Variants in ADAM18 observed in about 807,000 individuals in gnomAD.
The protein encoded by ADAM18 is disintegrin and metalloproteinase domain-containing protein 18.
ADAM18 carries 117 observed loss-of-function variants against 94.4 expected under a neutral mutation model. That is an observed-to-expected ratio of 1.24 (90% confidence interval 1.07 to 1.45). The LOEUF (loss-of-function observed/expected upper bound fraction) is 1.45. ADAM18 is among the 40% of genes most tolerant of loss of function. ADAM18 has a pLI of 0.00. For missense variants in ADAM18, 936 were observed against 880.0 expected (o/e 1.06, Z -0.81); for synonymous variants, 327 against 291.6 (o/e 1.12, Z -1.24).
intron 17 of ADAM18, among the ~76,000 whole-genome samples, chr8:39,706,430 T>C (rs1160713153): frequency 1.3e-5 from 2 of 152,090 alleles, no homozygotes; most frequent in East Asian, 3.9e-4. Flanking sequence ...AATGTCCAAA[T>C]AGTGACAACG....
At chr8:39,661,949 A>G (rs1270369311) in intron 12 of ADAM18, among the ~76,000 whole-genome samples, 4 of 149,824 alleles carry the variant, frequency 2.7e-5, no homozygotes, top group South Asian at 2.1e-4. Flanking sequence ...TATTTTATAT[A>G]TATATAAAGG....
chr8:39,637,396 T>C (rs930605852), intron 8 of ADAM18, 61 bp downstream of exon 8: 1 of 1,520,224 alleles, frequency 6.6e-7, no homozygotes, highest in Non-Finnish European at 9.0e-7. Context: ...TAATTTGGGT[T>C]CTATCTTGGC....
At chr8:39,708,818 T>C (rs977204793) in intron 18 of ADAM18, among the ~76,000 whole-genome samples, 1 of 152,196 alleles carries the variant, frequency 6.6e-6, no homozygotes, top group East Asian at 1.9e-4. Flanking sequence ...AGAACACAGG[T>C]GCAGGGTGCA....
intron 16 of ADAM18, among the ~76,000 whole-genome samples, chr8:39,684,535 A>G (rs1478184434): frequency 6.6e-6 from 1 of 152,048 alleles, no homozygotes. Flanking sequence ...CACCTCTCAC[A>G]GGTTGGAATT....
chr8:39,663,425 CA>C (rs374386277), intron 12 of ADAM18, among the ~76,000 whole-genome samples: 23 of 102,812 alleles, frequency 2.2e-4, no homozygotes, highest in Admixed American at 5.5e-4. Context: ...CTAGTCTTTA[CA>C]AAAAAAAAAA....
chr8:39,648,162 AT>A (rs1820436467), intron 11 of ADAM18, among the ~76,000 whole-genome samples, 181 bp from the exon 12 acceptor site: 1 of 152,156 alleles, frequency 6.6e-6, no homozygotes, highest in African/African-American at 2.4e-5. Flanking sequence ...TTTTAATGCA[AT>A]TTTTTAAGAG....
intron 2 of ADAM18, among the ~76,000 whole-genome samples, chr8:39,597,153 T>C (rs942626999): frequency 1.3e-5 from 2 of 152,202 alleles, no homozygotes; most frequent in East Asian, 3.8e-4. Flanking sequence ...TGTTGAGTTT[T>C]AGGAGTTGTT....
rs111415212 is a variant in ADAM18, at chr8:39,607,438, T to A, written c.188+1076T>A. On this transcript the variant is annotated intron_variant, in intron 3 of 19. Coordinates refer to ENST00000265707, the MANE Select transcript of ADAM18 (RefSeq NM_014237.3). ...GTAATTGAACAAGGCTAGAGGAAAT[T>A]ATTCTCACTTAATTCATGACTACCC... Among the ~76,000 whole-genome samples the A allele has an allele frequency of 9.2e-5, 14 of 152,340 alleles. 1 individual carries two copies. Among genetic ancestry groups the A allele is most frequent in the African/African-American group, 3.4e-4 (14 of 41,580 alleles).
At chr8:39,602,498 C>T (rs777093035) in intron 2 of ADAM18, among the ~76,000 whole-genome samples, 1 of 152,162 alleles carries the variant, frequency 6.6e-6, no homozygotes, top group Non-Finnish European at 1.5e-5. Context: ...CAGATGAGAA[C>T]TTTAGGGTCA....
intron 6 of ADAM18, among the ~76,000 whole-genome samples, chr8:39,628,905 T>G (rs1404202856): frequency 6.6e-6 from 1 of 152,084 alleles, no homozygotes; most frequent in Non-Finnish European, 1.5e-5. Flanking sequence ...GCTAACATAA[T>G]AACCTATAAA....
intron 19 of ADAM18, among the ~76,000 whole-genome samples, chr8:39,724,834 G>A (rs1822856130): frequency 6.6e-6 from 1 of 151,814 alleles, no homozygotes; most frequent in South Asian, 2.1e-4. Context: ...GAAGTATATT[G>A]TTTAATTCCC....
intron 10 of ADAM18, among the ~76,000 whole-genome samples, chr8:39,638,796 C>T (rs182917321): frequency 3.3e-5 from 5 of 151,898 alleles, no homozygotes; most frequent in East Asian, 3.9e-4. Flanking sequence ...ATAATGGACA[C>T]GAACATTTGC....
At chr8:39,597,399 A>G (rs924086835) in intron 2 of ADAM18, among the ~76,000 whole-genome samples, 20 of 152,244 alleles carry the variant, frequency 1.3e-4, no homozygotes, top group Non-Finnish European at 2.5e-4. Flanking sequence ...GTAGTTTTAT[A>G]GTTGTGTATT....
intron 4 of ADAM18, 132 bp downstream of exon 4, chr8:39,609,252 G>A (rs1819190101): frequency 2.7e-6 from 2 of 749,134 alleles, no homozygotes; most frequent in Admixed American, 6.1e-5. Context: ...CATAGAAATG[G>A]CATGTGATAG....
intron 6 of ADAM18, among the ~76,000 whole-genome samples, chr8:39,620,826 A>T (rs1445327157): frequency 6.6e-6 from 1 of 151,832 alleles, no homozygotes; most frequent in African/African-American, 2.4e-5. Context: ...GCACACAGAG[A>T]TGTAGAGTGT....
intron 6 of ADAM18, chr8:39,611,614 C>T (rs1819273848): frequency 1.0e-6 from 1 of 983,432 alleles, no homozygotes; most frequent in Non-Finnish European, 1.2e-6. Context: ...AAGCTGGAAA[C>T]AGCATTGCTT....
intron 6 of ADAM18, among the ~76,000 whole-genome samples, chr8:39,620,055 A>G (rs951852033): frequency 6.6e-6 from 1 of 152,060 alleles, no homozygotes; most frequent in Non-Finnish European, 1.5e-5. Context: ...AAACAGAACT[A>G]TGCATTTACA....
At chr8:39,588,784 C>T (rs1401981296) in intron 2 of ADAM18, among the ~76,000 whole-genome samples, 3 of 152,168 alleles carry the variant, frequency 2.0e-5, no homozygotes, top group Non-Finnish European at 4.4e-5. Context: ...GGAGAATGCA[C>T]ACCTTGGGGA....
At position 39,670,668 on chromosome 8, in the gene ADAM18, C is replaced by G. The variant is rs529199839; in HGVS notation, c.1525+2472C>G. ...GAGCTTAATGACTAAGAGAAAAAGACAGTAAAACAAAAGAAATATAAAACC... is the reference window on the plus strand; with the variant it reads ...GAGCTTAATGACTAAGAGAAAAAGAGAGTAAAACAAAAGAAATATAAAACC... On this transcript the variant is annotated intron_variant, in intron 14 of 19. Coordinates refer to ENST00000265707, the MANE Select transcript of ADAM18 (RefSeq NM_014237.3). 2.0e-5 allele frequency among the ~76,000 whole-genome samples: 3 copies of G among 152,232 alleles called. No homozygotes were observed. In the South Asian group the frequency reaches 6.2e-4, roughly 32 times the overall value.
Sources: allele counts gnomAD v4.1 joint callset (sites outside exome capture counted in the v4.1 genomes callset), GRCh38; gene constraint gnomAD v4.1.1; transcripts MANE v1.5; gene names NCBI Gene and HGNC (gene_info 2026-07-23, HGNC 2026-07-21).